SPTAN1: variants seen among roughly 807,000 people sequenced by gnomAD.
SPTAN1 encodes spectrin alpha chain, non-erythrocytic 1.
In SPTAN1, 61 loss-of-function variants were observed where a neutral mutation model predicts 331.3. The ratio of observed to expected loss-of-function variants is 0.18; its 90% CI spans 0.15 to 0.23. The LOEUF is 0.23. Ranked by LOEUF, SPTAN1 falls within the 10% of genes least tolerant of loss-of-function variation. The pLI, the probability that SPTAN1 is intolerant of heterozygous loss-of-function variation, is 1.00. For synonymous variants in SPTAN1, 1,153 were observed against 1,173.9 expected, an observed-to-expected ratio of 0.98 and a Z score of 0.36; for missense variants, 2,043 against 3,147.9, an observed-to-expected ratio of 0.65 and a Z score of 8.40.
At chr9:128,587,834 A>G (rs1852856857) in intron 20 of SPTAN1, 136 bp downstream of exon 20, 4 of 704,274 alleles carry the variant, frequency 5.7e-6, no homozygotes, top group Non-Finnish European at 9.9e-6. Flanking sequence ...AGAGTTTAAA[A>G]TAAGATTTAT....
intron 46 of SPTAN1, chr9:128,624,695 G>A: frequency 1.6e-6 from 1 of 620,702 alleles, no homozygotes; most frequent in Non-Finnish European, 2.8e-6. Context: ...TGGCACCAGG[G>A]TCAATAAACA....
At chr9:128,575,632 A>G (rs1851213120) in intron 5 of SPTAN1, among the ~76,000 whole-genome samples, 1 of 152,214 alleles carries the variant, frequency 6.6e-6, no homozygotes, top group African/African-American at 2.4e-5. Context: ...TGCTGAAGCT[A>G]GGTCTCAGGG....
At position 128,628,000 on chromosome 9, in the gene SPTAN1, C is replaced by G; in HGVS notation, c.6707+58C>G. ...TCATGTGGGGGTCTCGTGCGCTTGCCCCTCGTGGCCTGGCTTGTGGAGGAT... is the reference window on the plus strand; with the variant it reads ...TCATGTGGGGGTCTCGTGCGCTTGCGCCTCGTGGCCTGGCTTGTGGAGGAT... On this transcript the variant is annotated intron_variant, in intron 51 of 56. Transcript: ENST00000372739. The surrounding 1 kb of genome is among the most constrained non-coding windows in gnomAD (Gnocchi z 4.9). 1.2e-6 allele frequency: 2 copies of G among 1,609,426 alleles called. No homozygotes were observed. The highest frequency in any genetic ancestry group is 8.5e-7 in the Non-Finnish European group (1 of 1,175,802).
chr9:128,618,346 A>T (rs1394632539), intron 43 of SPTAN1, among the ~76,000 whole-genome samples: 1 of 152,190 alleles, frequency 6.6e-6, no homozygotes, highest in Non-Finnish European at 1.5e-5. Flanking sequence ...GTATGAGTCC[A>T]GAATCACACA....
intron 5 of SPTAN1, 64 bp from the exon 6 acceptor site, chr9:128,576,759 A>G: frequency 1.2e-6 from 2 of 1,600,822 alleles, no homozygotes; most frequent in East Asian, 2.2e-5. Context: ...AACCAACCCC[A>G]GGGTAACTAG....
At position 128,608,986 on chromosome 9, in the gene SPTAN1, C is replaced by T. The variant is rs771798239; in HGVS notation, c.4595+9C>T. ...AATGAGGTCTTGGACAGGTGGGTGT[C>T]CTGTGGCACTGACATAGTCACCAGC... On this transcript the variant is annotated intron_variant, in intron 35 of 56. Coordinates refer to ENST00000372739, the MANE Select transcript of SPTAN1 (RefSeq NM_001130438.3). 5.6e-6 allele frequency: 9 copies of T among 1,614,156 alleles called. No homozygotes were observed. The highest frequency in any genetic ancestry group is 3.3e-5 in the Admixed American group (2 of 60,024).
chr9:128,621,136 G>A lies in SPTAN1; in HGVS notation c.5734-22G>A, dbSNP rs555321645. Reference sequence around the variant, plus strand: ...ACACATAGCAGGCTCTCAATAGTGTGCCTTGGCTGCTTCTACTCCAGGGCT... The same window carrying A: ...ACACATAGCAGGCTCTCAATAGTGTACCTTGGCTGCTTCTACTCCAGGGCT... On this transcript the variant is annotated intron_variant, in intron 44 of 56. Transcript: ENST00000372739. The A allele has an allele frequency of 6.8e-6, 11 of 1,612,378 alleles. No homozygotes were observed. The Admixed American group carries it at 8.3e-5, about 12-fold the overall frequency.
chr9:128,561,352 CAG>C (rs1436825215), intron 1 of SPTAN1, among the ~76,000 whole-genome samples: 3 of 124,774 alleles, frequency 2.4e-5, no homozygotes, highest in African/African-American at 9.3e-5. Context: ...AGCCTGGCGA[CAG>C]AGCAAGACTC....
chr9:128,565,584 G>A (rs1428999750), intron 1 of SPTAN1, among the ~76,000 whole-genome samples: 1 of 152,120 alleles, frequency 6.6e-6, no homozygotes, highest in Non-Finnish European at 1.5e-5. Flanking sequence ...TACAGAGCTG[G>A]GGCACTAGCT....
chr9:128,613,665 T>C (rs537915089), intron 40 of SPTAN1, among the ~76,000 whole-genome samples, 180 bp downstream of exon 40: 1 of 152,332 alleles, frequency 6.6e-6, no homozygotes, highest in South Asian at 2.1e-4. Context: ...CTTGAGAGAT[T>C]TTTATTATGT....
intron 1 of SPTAN1, among the ~76,000 whole-genome samples, chr9:128,560,454 C>T (rs2132760194): frequency 6.6e-6 from 1 of 151,222 alleles, no homozygotes; most frequent in Admixed American, 6.6e-5. Context: ...GATCTCAGCT[C>T]ACTGCAAACT....
chr9:128,627,713 T>A lies in SPTAN1; in HGVS notation c.6690-212T>A. The A allele has an allele frequency of 2.5e-6, 2 of 790,956 alleles. No homozygotes were observed. Among genetic ancestry groups the A allele is most frequent in the Non-Finnish European group, 4.4e-6 (2 of 455,156 alleles). 49.0% of individuals were successfully genotyped at this position (790,956 alleles called of 1,614,324 possible). A position where few individuals can be genotyped will look rare whatever the true frequency, so the allele number is the denominator to read the frequency against. On this transcript the variant is annotated intron_variant, in intron 50 of 56. Transcript: ENST00000372739. The surrounding 1 kb of genome is among the most constrained non-coding windows in gnomAD (Gnocchi z 4.9). The stretch of plus-strand genomic sequence containing the variant: ...GTGCTGCATGTCCCAGACATCAAGT[T>A]GTTAGAGATCCCGGATTGAGTGGGA...
rs1393834536 is a variant in SPTAN1 at position 128,633,170 on chromosome 9, A to T, written c.7309-39A>T. 4 of 1,613,472 alleles carry T rather than the reference A, an allele frequency of 2.5e-6. No homozygotes were observed. In the African/African-American group the frequency reaches 4.0e-5, roughly 16 times the overall value. Reference sequence around the variant, plus strand: ...GGGAGGTCGGGTTTGAAGTGGGTGCAGCTGGCTCAGGCACCAGGTGCCATC... The same window carrying T: ...GGGAGGTCGGGTTTGAAGTGGGTGCTGCTGGCTCAGGCACCAGGTGCCATC... On this transcript the variant is annotated intron_variant, in intron 56 of 56. Coordinates refer to ENST00000372739, the MANE Select transcript of SPTAN1 (RefSeq NM_001130438.3).
intron 26 of SPTAN1, 183 bp from the exon 27 acceptor site, chr9:128,599,897 A>C: frequency 1.5e-6 from 1 of 653,494 alleles, no homozygotes; most frequent in Non-Finnish European, 2.7e-6. Flanking sequence ...TGTTGGCTTA[A>C]TTTTTCTTAA....
chr9:128,620,817 A>T (rs528904599), intron 44 of SPTAN1, among the ~76,000 whole-genome samples: 12 of 152,236 alleles, frequency 7.9e-5, no homozygotes, highest in African/African-American at 2.9e-4. Context: ...GTATATCTTC[A>T]GCTTGCTTTG....
In SPTAN1 at chr9:128,625,888, C is replaced by A. The variant is rs367629442; in HGVS notation, c.6189C>A (p.His2063Gln). 3 of 1,614,110 alleles carry A rather than the reference C, an allele frequency of 1.9e-6. No individual in the cohort carries two copies. Among genetic ancestry groups the A allele is most frequent in the Non-Finnish European group, 2.5e-6 (3 of 1,180,052 alleles). Residue 2063 changes from histidine (H) to glutamine (Q), a missense_variant, in exon 48 of 57, where the codon CAC becomes CAA. Coordinates refer to ENST00000372739, the MANE Select transcript of SPTAN1 (RefSeq NM_001130438.3). This position sits in a 1 kb window ranked among gnomAD's most constrained non-coding sequence, Gnocchi z 4.1. ...AGTCCAAGGCCATCGAGGCCCGGCA[C>A]GCCTCCCTCATGAAGAGGTGGAGCC... ...HVQSKAIEAR[H>Q]ASLMKRWSQL... is the part of the protein sequence containing the mutation.
chr9:128,613,598 CCATTCT>C (rs1271405211), intron 40 of SPTAN1, 113 bp downstream of exon 40: 3 of 877,984 alleles, frequency 3.4e-6, no homozygotes, highest in Non-Finnish European at 5.6e-6. Context: ...CTTAAAGCAG[CCATTCT>C]CAAAGGTTGT....
In SPTAN1 at chr9:128,604,316, T is replaced by C. The variant is rs975869088; in HGVS notation, c.3628-10T>C. ...GAGTGCAGTGGAGCTGATGTTTTGC[T>C]GTCCTGCAGGAGCTGAATGAGCGCT... On this transcript the variant is annotated splice_polypyrimidine_tract_variant and intron_variant, in intron 28 of 56. Transcript: ENST00000372739. 2.5e-6 allele frequency: 4 copies of C among 1,613,912 alleles called. No homozygotes were observed. Among genetic ancestry groups the C allele is most frequent in the Non-Finnish European group, 2.5e-6 (3 of 1,179,890 alleles).
intron 31 of SPTAN1, among the ~76,000 whole-genome samples, chr9:128,606,487 ATTT>A (rs200725239): frequency 1.2e-3 from 9 of 7,512 alleles, no homozygotes; most frequent in Non-Finnish European, 3.8e-3. Flanking sequence ...ATATATATAT[ATTT>A]TTTTTTTGGG....
Sources: allele counts gnomAD v4.1 joint callset (sites outside exome capture counted in the v4.1 genomes callset), GRCh38; gene constraint gnomAD v4.1.1; non-coding constraint Gnocchi (gnomAD v3.1); transcripts MANE v1.5; gene names NCBI Gene and HGNC (gene_info 2026-07-23, HGNC 2026-07-21).